The following NLRP10 variants were observed in gnomAD, a reference collection of about 807,000 sequenced individuals.
The protein encoded by NLRP10 is NACHT, LRR and PYD domains-containing protein 10.
A neutral mutation model predicts 8.2 loss-of-function variants in NLRP10; 7 were observed. The ratio of observed to expected loss-of-function variants is 0.85; its 90% CI spans 0.48 to 1.60. The LOEUF (loss-of-function observed/expected upper bound fraction) is 1.60. Ranked by LOEUF, NLRP10 falls within the 40% of genes most tolerant of loss-of-function variation. NLRP10 has a pLI of 0.00. For synonymous variants in NLRP10, 338 were observed against 314.0 expected (o/e 1.08, Z -0.81); for missense variants, 814 against 776.3 (o/e 1.05, Z -0.58).
In NLRP10 at chr11:7,960,612, C is replaced by T. The variant is rs762570801; in HGVS notation, c.1000G>A (p.Ala334Thr). 1.9e-6 allele frequency: 3 copies of T among 1,614,188 alleles called. No individual in the cohort carries two copies. In the Admixed American group the frequency reaches 5.0e-5, roughly 27 times the overall value. The change falls in exon 3 of 3, where the codon GCT becomes ACT. Residue 334 changes from alanine (A) to threonine (T), a missense_variant. Ala to Thr is a moderately conservative substitution (Grantham distance 58). Transcript: ENST00000691676. ...FSSYFTDEKQ[A>T]DRAFDIVQKN... ...TGTACAATGTCGAAGGCACGGTCAG[C>T]TTGCTTCTCATCCGTGAAATAGGAG... is the stretch of plus-strand genomic sequence containing the variant.
chr11:7,963,858 C>T (rs1366727061), intron 1 of NLRP10, among the ~76,000 whole-genome samples: 1 of 150,808 alleles, frequency 6.6e-6, no homozygotes, highest in Admixed American at 6.6e-5. Context: ...CCTCTCAACA[C>T]GTTCTTTATT....
chr11:7,961,069 A>G lies in NLRP10; in HGVS notation c.543T>C (p.Thr181=). The G allele has an allele frequency of 6.2e-7, 1 of 1,614,028 alleles. No individual in the cohort carries two copies. The change falls in exon 3 of 3, where the codon ACT becomes ACC. Residue 181 remains threonine, a synonymous_variant. Transcript: ENST00000691676. ...AGTCCAACACCATTTTTCTGGCGAG[A>G]GTTGTCTTTCCAGTGCCAGCCGACC... ...LQGSAGTGKT[T]LARKMVLDWA...
At position 7,957,624 on chromosome 11, in the gene NLRP10, TCCA is replaced by T. The variant is rs1239456755; in HGVS notation, c.*2017_*2019del. ...ATACAGAAAGTTCCTATATACCCTC[TCCA>T]CCACCACCACCCCCTCACAAAGTTT... is the stretch of plus-strand genomic sequence containing the variant. On this transcript the variant is annotated 3_prime_UTR_variant, in exon 3 of 3. Transcript: ENST00000691676. Among the ~76,000 whole-genome samples the T allele has an allele frequency of 2.6e-5, 4 of 152,028 alleles. No homozygotes were observed. Among genetic ancestry groups the T allele is most frequent in the African/African-American group, 4.8e-5 (2 of 41,398 alleles).
chr11:7,957,946 G>A lies in NLRP10; in HGVS notation c.*1698C>T, dbSNP rs1941646852. 6.6e-6 allele frequency among the ~76,000 whole-genome samples: 1 copy of A among 152,126 alleles called. No homozygotes were observed. The highest frequency in any genetic ancestry group is 6.6e-5 in the Admixed American group (1 of 15,266). On this transcript the variant is annotated 3_prime_UTR_variant, in exon 3 of 3. Transcript: ENST00000691676. ...CTCCATAGTTTTTCATTTTTCATAA[G>A]AGCATATATTTGGAATTACACAGTA...
At chr11:7,964,968 T>C (rs1941795584) in intron 1 of NLRP10, among the ~76,000 whole-genome samples, 1 of 152,232 alleles carries the variant, frequency 6.6e-6, no homozygotes, top group Non-Finnish European at 1.5e-5. Context: ...CACAGAGAGT[T>C]GTTGCCATTC....
At chr11:7,961,418 T>A in intron 2 of NLRP10, 96 bp from the exon 3 acceptor site, 1 of 780,420 alleles carries the variant, frequency 1.3e-6, no homozygotes, top group Non-Finnish European at 2.1e-6. Flanking sequence ...TCTTCTTGTA[T>A]GTCTCCAACT....
chr11:7,962,542 C>T (rs1300073568), intron 2 of NLRP10, among the ~76,000 whole-genome samples: 2 of 152,060 alleles, frequency 1.3e-5, no homozygotes, highest in South Asian at 4.1e-4. Flanking sequence ...AGCCGATAAG[C>T]CTGTTCTTGG....
intron 1 of NLRP10, among the ~76,000 whole-genome samples, chr11:7,964,148 C>G (rs1941781238): frequency 6.6e-6 from 1 of 152,164 alleles, no homozygotes; most frequent in African/African-American, 2.4e-5. Flanking sequence ...ACTCGATCTC[C>G]TGACCTCAGG....
chr11:7,960,496 T>C lies in NLRP10; in HGVS notation c.1116A>G (p.Lys372=). 6.2e-7 allele frequency: 1 copy of C among 1,614,170 alleles called. No individual in the cohort carries two copies. Among genetic ancestry groups the C allele is most frequent in the African/African-American group, 1.3e-5 (1 of 75,036 alleles). ...SWLQGQMERG[K]VVLETPRNST... ...TGTTTCTAGGTGTCTCTAAGACAAC[T>C]TTGCCTCTCTCCATCTGCCCCTGCA... The change falls in exon 3 of 3, where the codon AAA becomes AAG. Residue 372 remains lysine (K), a synonymous_variant. Coordinates refer to ENST00000691676, the MANE Select transcript of NLRP10 (RefSeq NM_001391958.1).
At position 7,959,594 on chromosome 11, in the gene NLRP10, CAG is replaced by C. The variant is rs763143976; in HGVS notation, c.*48_*49del. ...TTACAGCTTCTTTGATTTCTTTCCT[CAG>C]AGTGTTGTCATTTTCCTCATAGAGA... On this transcript the variant is annotated 3_prime_UTR_variant, in exon 3 of 3. Coordinates refer to ENST00000691676, the MANE Select transcript of NLRP10 (RefSeq NM_001391958.1). 29 of 919,154 alleles carry C rather than the reference CAG, an allele frequency of 3.2e-5. No homozygotes were observed. Among genetic ancestry groups the C allele is most frequent in the Admixed American group, 2.4e-4 (8 of 33,900 alleles). 56.9% of individuals were successfully genotyped at this position (919,154 alleles called of 1,614,324 possible).
Position 7,959,744 on chromosome 11 carries a change from C to T in NLRP10, c.1868G>A (p.Gly623Glu). 3.7e-6 allele frequency: 6 copies of T among 1,613,656 alleles called. No homozygotes were observed. Among genetic ancestry groups the T allele is most frequent in the Non-Finnish European group, 5.1e-6 (6 of 1,179,702 alleles). The change falls in exon 3 of 3, where the codon GGA (glycine) becomes GAA (glutamate). Residue 623 changes from glycine (G) to glutamate (E), a missense_variant. Coordinates refer to ENST00000691676, the MANE Select transcript of NLRP10 (RefSeq NM_001391958.1). ...KEEQKCPSVH[G>E]QKEGKDNIAG... ...TATATTATCTTTGCCCTCCTTCTGT[C>T]CATGGACAGAAGGACATTTTTGCTC...
Position 7,960,339 on chromosome 11 carries a change from T to C in NLRP10, c.1273A>G (p.Arg425Gly). The change falls in exon 3 of 3, where the codon AGG (arginine) becomes GGG (glycine). Residue 425 changes from arginine (R) to glycine (G), a missense_variant. Transcript: ENST00000691676. ...AGCTCAGCTTCTTCAAATAGGAACC[T>C]CTGGTGCTGAATCCCTTCAGCTGCT... ...SLAAEGIQHQ[R>G]FLFEEAELRK... The C allele has an allele frequency of 6.2e-7, 1 of 1,614,088 alleles. No homozygotes were observed. The highest frequency in any genetic ancestry group is 8.5e-7 in the Non-Finnish European group (1 of 1,180,022).
At chr11:7,963,089 C>A in intron 2 of NLRP10, 118 bp downstream of exon 2, 1 of 986,350 alleles carries the variant, frequency 1.0e-6, no homozygotes, top group East Asian at 2.5e-5. Flanking sequence ...GCACCAGGGA[C>A]TAGAGGACAA....
In NLRP10 at chr11:7,963,201, A is replaced by C; in HGVS notation, c.289+6T>G. 1 of 1,613,130 alleles carries C rather than the reference A, an allele frequency of 6.2e-7. No homozygotes were observed. Among genetic ancestry groups the C allele is most frequent in the South Asian group, 1.1e-5 (1 of 91,008 alleles). On this transcript the variant is annotated splice_donor_region_variant and intron_variant, in intron 2 of 2. Coordinates refer to ENST00000691676, the MANE Select transcript of NLRP10 (RefSeq NM_001391958.1). Reference sequence around the variant, plus strand: ...CTGCCCTCCCCTTCCCCCGCTCCACACTCACCATGCAGACAAATATGGCTG... The same window carrying C: ...CTGCCCTCCCCTTCCCCCGCTCCACCCTCACCATGCAGACAAATATGGCTG...
intron 2 of NLRP10, among the ~76,000 whole-genome samples, chr11:7,962,231 C>CTTTTTTTTTTTTTTTGTT (rs1941744168): frequency 1.5e-5 from 1 of 66,994 alleles, no homozygotes; most frequent in Non-Finnish European, 2.6e-5. Context: ...TAAGCCTGTT[C>CTTTTTTTTTTTTTTTGTT]TTTTTTTTTT....
In NLRP10 at chr11:7,960,198, A is replaced by G. The variant is rs777618054; in HGVS notation, c.1414T>C (p.Phe472Leu). ...ACCAGGTAAGACATGGCATGAAAAA[A>G]GTCCTGGAAGCTGATGTGGCGGAAG... ...YSFRHISFQD[F>L]FHAMSYLVKE... Residue 472 changes from phenylalanine (F) to leucine (L), a missense_variant, in exon 3 of 3, where the codon TTT (phenylalanine) becomes CTT (leucine). Physicochemically the swap from Phe to Leu is conservative, Grantham distance 22. Coordinates refer to ENST00000691676, the MANE Select transcript of NLRP10 (RefSeq NM_001391958.1). The G allele has an allele frequency of 6.2e-7, 1 of 1,614,130 alleles. No homozygotes were observed. The highest frequency in any genetic ancestry group is 8.5e-7 in the Non-Finnish European group (1 of 1,180,036).
chr11:7,964,720 A>C (rs1008125628), intron 1 of NLRP10, among the ~76,000 whole-genome samples: 1 of 152,258 alleles, frequency 6.6e-6, no homozygotes, highest in Non-Finnish European at 1.5e-5. Context: ...TGTTGCCAGA[A>C]GCTGGAGACA....
At chr11:7,962,095 C>T (rs1941741088) in intron 2 of NLRP10, among the ~76,000 whole-genome samples, 1 of 152,014 alleles carries the variant, frequency 6.6e-6, no homozygotes. Context: ...TGAGGCCTCG[C>T]CAGAAGTCAA....
In NLRP10 at chr11:7,960,461, A is replaced by G. The variant is rs150112481; in HGVS notation, c.1151T>C (p.Ile384Thr). ...AAAGGTGGAGACGTAAGCCATGAAG[A>G]TGTCAGTGCTGTTTCTAGGTGTCTC... ...VLETPRNSTD[I>T]FMAYVSTFLP... The change falls in exon 3 of 3, where the codon ATC becomes ACC. Residue 384 changes from isoleucine (I) to threonine (T), a missense_variant. Coordinates refer to ENST00000691676, the MANE Select transcript of NLRP10 (RefSeq NM_001391958.1). 20 of 1,613,980 alleles carry G rather than the reference A, an allele frequency of 1.2e-5. No individual in the cohort carries two copies. Among genetic ancestry groups the G allele is most frequent in the Admixed American group, 1.2e-4 (7 of 59,998 alleles).
Sources: gnomAD v4.1 joint callset for allele counts (sites outside exome capture counted in the v4.1 genomes callset) on GRCh38, gnomAD v4.1.1 for gene constraint, MANE v1.5 for transcripts, NCBI Gene and HGNC (gene_info 2026-07-23, HGNC 2026-07-21) for gene names.